Variants in TENM2 observed in about 807,000 individuals in gnomAD.
The protein encoded by TENM2 is teneurin-2.
Under a neutral mutation model 245.2 loss-of-function variants are expected in TENM2, and 52 were observed. That is an observed-to-expected ratio of 0.21 (90% CI 0.17 to 0.27). The LOEUF (loss-of-function observed/expected upper bound fraction) is 0.27. Among genes scored for constraint, TENM2 ranks in the 10% least tolerant of loss-of-function variants. TENM2 has a pLI of 1.00. For missense variants in TENM2, 3,046 were observed against 3,666.8 expected, an observed-to-expected ratio of 0.83 and a Z score of 4.37; for synonymous variants, 1,363 against 1,438.9, an observed-to-expected ratio of 0.95 and a Z score of 1.19.
chr5:167,887,323 G>C (rs1774366496), intron 3 of TENM2, among the ~76,000 whole-genome samples: 2 of 152,204 alleles, frequency 1.3e-5, no homozygotes, highest in African/African-American at 4.8e-5. Context: ...CTTAGCACAT[G>C]GTGCAGGTAG....
At chr5:167,496,674 C>T (rs1449208865) in intron 2 of TENM2, among the ~76,000 whole-genome samples, 5 of 152,056 alleles carry the variant, frequency 3.3e-5, no homozygotes, top group South Asian at 2.1e-4. Context: ...ATTAATTGCT[C>T]GGTCTGCACT....
chr5:167,489,911 A>G, intron 2 of TENM2, among the ~76,000 whole-genome samples: 1 of 152,204 alleles, frequency 6.6e-6, no homozygotes. Context: ...CAATAATATT[A>G]ATATTCCATA....
intron 2 of TENM2, among the ~76,000 whole-genome samples, chr5:167,431,641 A>G (rs1764226198): frequency 6.6e-6 from 1 of 151,918 alleles, no homozygotes; most frequent in Non-Finnish European, 1.5e-5. Flanking sequence ...ATACTTCCCT[A>G]TCTACATCTA....
At chr5:168,237,165 A>C (rs1395899569) in intron 25 of TENM2, among the ~76,000 whole-genome samples, 1 of 147,850 alleles carries the variant, frequency 6.8e-6, no homozygotes, top group Non-Finnish European at 1.5e-5. Context: ...ACAGGCATGC[A>C]CCACCATGCC....
chr5:167,511,534 A>G (rs1341040430), intron 2 of TENM2, among the ~76,000 whole-genome samples: 1 of 152,214 alleles, frequency 6.6e-6, no homozygotes, highest in East Asian at 1.9e-4. Flanking sequence ...TGACTTAAAT[A>G]CAATCTTAAG....
the TENM2 span, among the ~76,000 whole-genome samples, chr5:167,227,735 G>A: frequency 6.6e-6 from 1 of 152,162 alleles, no homozygotes; most frequent in Non-Finnish European, 1.5e-5. Context: ...CCATGAAGAA[G>A]ATCTTTTTGC....
At chr5:167,360,064 G>A (rs138764186) in intron 1 of TENM2, among the ~76,000 whole-genome samples, 6,217 of 152,220 alleles carry the variant, frequency 0.041, 191 homozygotes, top group Middle Eastern at 0.075. Flanking sequence ...AAGAACTACT[G>A]GGCACTAGGC....
chr5:167,008,000 G>A, the TENM2 span, among the ~76,000 whole-genome samples: 52 of 152,220 alleles, frequency 3.4e-4, no homozygotes, highest in South Asian at 2.7e-3. The surrounding 1 kb of genome is among the most constrained non-coding windows in gnomAD (Gnocchi z 4.2). Context: ...GTAACCCACC[G>A]TTGGATGTTG....
At chr5:167,855,148 T>C (rs1770947393) in intron 2 of TENM2, among the ~76,000 whole-genome samples, 1 of 152,168 alleles carries the variant, frequency 6.6e-6, no homozygotes, top group Non-Finnish European at 1.5e-5. Context: ...ACTCACCTGC[T>C]TGCTGTTCCT....
At chr5:167,452,948 T>TATATTTTAA (rs1554157742) in intron 2 of TENM2, among the ~76,000 whole-genome samples, 1,924 of 47,496 alleles carry the variant, frequency 0.041, 235 homozygotes, top group South Asian at 0.25. Flanking sequence ...TATATATATA[T>TATATTTTAA]ATATATATAT....
intron 2 of TENM2, among the ~76,000 whole-genome samples, chr5:167,454,476 GCA>G (rs1765788156): frequency 6.8e-6 from 1 of 147,942 alleles, no homozygotes; most frequent in Non-Finnish European, 1.5e-5. Flanking sequence ...GTGTGTGTGT[GCA>G]TGTGCACACG....
intron 2 of TENM2, among the ~76,000 whole-genome samples, chr5:167,452,950 T>TATATATATTTTTTTTTTAA (rs1554157770): frequency 1.0e-5 from 1 of 99,630 alleles, no homozygotes; most frequent in African/African-American, 3.4e-5. Context: ...TATATATATA[T>TATATATATTTTTTTTTTAA]ATATATATAT....
chr5:168,135,350 G>T (rs1472387700), intron 12 of TENM2, among the ~76,000 whole-genome samples: 1 of 152,240 alleles, frequency 6.6e-6, no homozygotes, highest in East Asian at 1.9e-4. Flanking sequence ...TGCCTAATTG[G>T]GTTCAATCTT....
chr5:167,204,489 G>A, the TENM2 span, among the ~76,000 whole-genome samples: 5 of 152,262 alleles, frequency 3.3e-5, no homozygotes, highest in East Asian at 9.7e-4. Flanking sequence ...GAAAATTCTT[G>A]CCCCTCACTG....
intron 2 of TENM2, among the ~76,000 whole-genome samples, chr5:167,815,972 T>TTGTGTGTGTGTG (rs34151147): frequency 6.9e-6 from 1 of 144,020 alleles, no homozygotes; most frequent in Non-Finnish European, 1.5e-5. Context: ...TTATGATCCT[T>TTGTGTGTGTGTG]TGTGTGTGTG....
chr5:167,045,165 G>T, the TENM2 span, among the ~76,000 whole-genome samples: 2 of 152,272 alleles, frequency 1.3e-5, no homozygotes, highest in South Asian at 2.1e-4. Flanking sequence ...CTTATTTGGT[G>T]GGGAAGAAGG....
At chr5:167,758,922 C>T (rs993683757) in intron 2 of TENM2, among the ~76,000 whole-genome samples, 5 of 151,934 alleles carry the variant, frequency 3.3e-5, no homozygotes, top group African/African-American at 1.2e-4. Context: ...TTCTCTGTCT[C>T]CTTAACCCTA....
chr5:167,502,127 T>G (rs1769249576), intron 2 of TENM2, among the ~76,000 whole-genome samples: 1 of 152,164 alleles, frequency 6.6e-6, no homozygotes, highest in Non-Finnish European at 1.5e-5. Context: ...ACTTGTAATA[T>G]CGCCAGCATA....
rs534370232 is a variant in TENM2, at chr5:167,731,908, T to C, written c.503-144078T>C. 3.3e-5 allele frequency among the ~76,000 whole-genome samples: 5 copies of C among 152,300 alleles called. No individual in the cohort carries two copies. In the South Asian group the frequency reaches 8.3e-4, roughly 25 times the overall value. On this transcript the variant is annotated intron_variant, in intron 2 of 28. Coordinates refer to ENST00000518659, the Ensembl canonical transcript of TENM2. Reference sequence around the variant, plus strand: ...AGATGATAGTATTTTCTCTTCCTTTTCTAATTGCCTACTTCTAATTTGTTG... The same window carrying C: ...AGATGATAGTATTTTCTCTTCCTTTCCTAATTGCCTACTTCTAATTTGTTG...
Sources: allele counts gnomAD v4.1 joint callset (sites outside exome capture counted in the v4.1 genomes callset), GRCh38; gene constraint gnomAD v4.1.1; non-coding constraint Gnocchi (gnomAD v3.1); transcripts MANE v1.5; gene names NCBI Gene and HGNC (gene_info 2026-07-23, HGNC 2026-07-21).